Variants in LUC7L observed in about 807,000 individuals in gnomAD.
LUC7L encodes the protein LUC7 like, also known as putative RNA-binding protein Luc7-like 1.
Under a neutral mutation model 51.1 loss-of-function variants are expected in LUC7L, and 29 were observed. The observed-to-expected ratio is 0.57, with a 90% CI of 0.42 to 0.77. The LOEUF is 0.77. Among genes scored for constraint, LUC7L ranks in the 30% least tolerant of loss-of-function variants. The pLI is 0.00. For missense variants in LUC7L, 403 were observed against 511.9 expected, an observed-to-expected ratio of 0.79 and a Z score of 2.05; for synonymous variants, 181 against 180.7, an observed-to-expected ratio of 1.00 and a Z score of -0.01.
chr16:189,670 T>C (rs1056686509), intron 9 of LUC7L: 102 of 1,323,586 alleles, frequency 7.7e-5, no homozygotes, highest in Non-Finnish European at 9.7e-5. Context: ...AAAACAGAGG[T>C]AAGCAGGGCC....
intron 1 of LUC7L, chr16:228,788 ACGTTAGAAAAGCTC>A: frequency 7.8e-7 from 1 of 1,286,552 alleles, no homozygotes; most frequent in Non-Finnish European, 1.0e-6. Context: ...GCAGAAACCC[ACGTTAGAAAAGCTC>A]AGTTTACGGT....
intron 3 of LUC7L, chr16:208,452 C>A: frequency 2.4e-6 from 1 of 411,760 alleles, no homozygotes; most frequent in African/African-American, 2.2e-5. Flanking sequence ...ACCTCCAACC[C>A]TCAATAACAT....
rs186139034 is a variant in LUC7L at position 193,872 on chromosome 16, C to T, written c.688-857G>A. 6.0e-3 allele frequency among the ~76,000 whole-genome samples: 906 copies of T among 150,514 alleles called. 16 individuals carry two copies. Among genetic ancestry groups the T allele is most frequent in the African/African-American group, 0.02 (836 of 40,924 alleles). ...AGGCTGGAGTGCAGTGGCGCAATCT[C>T]GGCTCGCCGCAAGCTCCGCCTCCCG... On this transcript the variant is annotated intron_variant, in intron 6 of 9. Transcript: ENST00000293872.
rs1003491169 is a variant in LUC7L, at chr16:222,461, G to C, written c.157-1714C>G. 2.6e-5 allele frequency among the ~76,000 whole-genome samples: 4 copies of C among 151,844 alleles called. No homozygotes were observed. In the East Asian group the frequency reaches 5.8e-4, roughly 22 times the overall value. On this transcript the variant is annotated intron_variant, in intron 2 of 9. Transcript: ENST00000293872. The stretch of plus-strand genomic sequence containing the variant: ...GAGACCAGCCTGGGCAACATAGCAA[G>C]ACCCTGTCTCTATGAAAAAATTAAC...
chr16:199,281 C>A, intron 5 of LUC7L, 43 bp from the exon 6 acceptor site: 1 of 1,263,734 alleles, frequency 7.9e-7, no homozygotes, highest in Non-Finnish European at 1.1e-6. Flanking sequence ...GTATATAGAA[C>A]TGCCACCACA....
At chr16:192,112 C>T (rs2142036487) in intron 7 of LUC7L, among the ~76,000 whole-genome samples, 1 of 152,248 alleles carries the variant, frequency 6.6e-6, no homozygotes. Flanking sequence ...AGCAGCAACT[C>T]CGGGCCAGAA....
chr16:200,375 G>C (rs1421293327), intron 5 of LUC7L, among the ~76,000 whole-genome samples: 1 of 147,180 alleles, frequency 6.8e-6, no homozygotes, highest in Non-Finnish European at 1.5e-5. Context: ...AGTGAGCCAA[G>C]ATCATGCCAC....
chr16:208,711 CA>C lies in LUC7L; in HGVS notation c.256-524del, dbSNP rs960842564. On this transcript the variant is annotated intron_variant, in intron 3 of 9. Coordinates refer to ENST00000293872, the MANE Select transcript of LUC7L (RefSeq NM_201412.3). The stretch of plus-strand genomic sequence containing the variant: ...CAAATATTACTGAGAGCTATGAATA[CA>C]TTTTGTTATTGCCTACTATCTAAAG... 6 of 830,446 alleles carry C rather than the reference CA, an allele frequency of 7.2e-6. No individual in the cohort carries two copies. In the African/African-American group the frequency reaches 1.1e-4, roughly 15 times the overall value. 51.4% of individuals were successfully genotyped at this position (830,446 alleles called of 1,614,324 possible).
chr16:216,710 T>C (rs1596661737), intron 3 of LUC7L, among the ~76,000 whole-genome samples: 1 of 152,188 alleles, frequency 6.6e-6, no homozygotes, highest in East Asian at 1.9e-4. Context: ...CCCTGTAAGG[T>C]CAAAAATGAC....
At chr16:218,542 G>A (rs1323590978) in intron 3 of LUC7L, among the ~76,000 whole-genome samples, 3 of 152,020 alleles carry the variant, frequency 2.0e-5, no homozygotes, top group East Asian at 1.9e-4. Context: ...CCAACATGGC[G>A]AAACCACATC....
Position 227,836 on chromosome 16 carries a change from T to C in LUC7L, c.62-500A>G, listed in dbSNP as rs567084927. 1.2e-5 allele frequency: 12 copies of C among 1,000,654 alleles called. No homozygotes were observed. In the South Asian group the frequency reaches 3.0e-4, roughly 25 times the overall value. 62.0% of individuals were successfully genotyped at this position (1,000,654 alleles called of 1,614,324 possible). On this transcript the variant is annotated intron_variant, in intron 1 of 9. Coordinates refer to ENST00000293872, the MANE Select transcript of LUC7L (RefSeq NM_201412.3). ...AACTCTATCGAAGACTGTTAAATAA[T>C]CTAGATCTATTCTTCCTACGTCCCT...
chr16:206,280 G>A lies in LUC7L; in HGVS notation c.367-133C>T, dbSNP rs549500945. On this transcript the variant is annotated intron_variant, in intron 4 of 9. Transcript: ENST00000293872. ...CTAAAGATCCACACTTAACAATGAAGGCATCCTTACTGCCAGCATTGAGAC... is the reference window on the plus strand; with the variant it reads ...CTAAAGATCCACACTTAACAATGAAAGCATCCTTACTGCCAGCATTGAGAC... The A allele has an allele frequency of 4.2e-4, 339 of 807,188 alleles. 1 individual carries two copies. The highest frequency in any genetic ancestry group is 6.1e-4 in the Non-Finnish European group (310 of 505,532). The allele number at this position is 807,188 out of a possible 1,614,324, so 50.0% of individuals were successfully genotyped here.
chr16:200,826 G>T (rs1429364689), intron 5 of LUC7L, among the ~76,000 whole-genome samples: 1 of 152,062 alleles, frequency 6.6e-6, no homozygotes, highest in African/African-American at 2.4e-5. Flanking sequence ...AAGGGGCAGT[G>T]ACCTGTGACT....
chr16:223,486 G>A (rs1341955420), intron 2 of LUC7L, among the ~76,000 whole-genome samples: 1 of 152,196 alleles, frequency 6.6e-6, no homozygotes, highest in Admixed American at 6.6e-5. Flanking sequence ...GTATGGTGAT[G>A]TTTATTTTGA....
At chr16:226,334 G>A (rs1390537349) in intron 2 of LUC7L, among the ~76,000 whole-genome samples, 2 of 152,128 alleles carry the variant, frequency 1.3e-5, no homozygotes, top group Non-Finnish European at 2.9e-5. Flanking sequence ...TGAGGTAGCT[G>A]TGAAACCTTA....
intron 5 of LUC7L, among the ~76,000 whole-genome samples, chr16:201,652 G>T (rs1054245102): frequency 3.3e-5 from 5 of 151,438 alleles, no homozygotes; most frequent in Non-Finnish European, 7.4e-5. Context: ...TGTTAGCCAG[G>T]ATGGTCTCGA....
At chr16:220,445 CAT>C (rs2049933083) in intron 3 of LUC7L, 2 of 499,792 alleles carry the variant, frequency 4.0e-6, no homozygotes, top group East Asian at 3.2e-5. Context: ...TGAGATAACA[CAT>C]ATTATCATTT....
At chr16:191,759 C>T (rs1382674393) in intron 7 of LUC7L, among the ~76,000 whole-genome samples, 3 of 152,176 alleles carry the variant, frequency 2.0e-5, no homozygotes, top group Non-Finnish European at 2.9e-5. Flanking sequence ...GCAGGAGACT[C>T]GCTTGAACCC....
chr16:228,840 C>T (rs1450210941), intron 1 of LUC7L: 4 of 1,294,324 alleles, frequency 3.1e-6, no homozygotes, highest in Admixed American at 2.3e-5. Flanking sequence ...AGAACCAGAG[C>T]GGGCCAGGTT....
Sources: allele counts gnomAD v4.1 joint callset (sites outside exome capture counted in the v4.1 genomes callset), GRCh38; gene constraint gnomAD v4.1.1; transcripts MANE v1.5; gene names NCBI Gene and HGNC (gene_info 2026-07-23, HGNC 2026-07-21).